ZBTB20: variants seen among roughly 807,000 people sequenced by gnomAD.
The protein encoded by ZBTB20 is zinc finger and BTB domain containing 20.
A neutral mutation model predicts 56.9 loss-of-function variants in ZBTB20; 9 were observed. The observed-to-expected ratio is 0.16, with a 90% CI of 0.10 to 0.28. ZBTB20 has a LOEUF of 0.28. ZBTB20 is among the 10% of genes least tolerant of loss of function. The pLI is 1.00. For missense variants in ZBTB20, 655 were observed against 1,003.0 expected (o/e 0.65, Z 4.69); for synonymous variants, 417 against 420.7 (o/e 0.99, Z 0.11).
At position 114,916,222 on chromosome 3, in the gene ZBTB20, C is replaced by T. The variant is rs576321722; in HGVS notation, c.-455-15880G>A. ...CTCTGATAATATTTGCTTTATATAT[C>T]TGGGTGCTCCAGTGTTGGGTGTATA... On this transcript the variant is annotated intron_variant, in intron 3 of 11. Coordinates refer to ENST00000675478, the MANE Select transcript of ZBTB20 (RefSeq NM_001348800.3). 1.2e-4 allele frequency among the ~76,000 whole-genome samples: 19 copies of T among 152,176 alleles called. No individual in the cohort carries two copies. The East Asian group carries it at 2.5e-3, about 20-fold the overall frequency.
rs1012466037 is a variant in ZBTB20, at chr3:114,328,565, A to T, written c.*10440T>A. ...GCCAAACGTGAAGGTAAGGGGAATTAATGACCTCAGCTAGTACAGTTGACA... is the reference window on the plus strand; with the variant it reads ...GCCAAACGTGAAGGTAAGGGGAATTTATGACCTCAGCTAGTACAGTTGACA... On this transcript the variant is annotated 3_prime_UTR_variant, in exon 12 of 12. Transcript: ENST00000675478. The T allele has an allele frequency of 6.6e-6, 1 of 152,162 alleles. No individual in the cohort carries two copies. The highest frequency in any genetic ancestry group is 2.1e-4 in the South Asian group (1 of 4,822). The allele number at this position is 152,162 out of a possible 1,614,324, so 9.4% of individuals were successfully genotyped here. A position where few individuals can be genotyped will look rare whatever the true frequency, so the allele number is the denominator to read the frequency against.
At chr3:114,461,214 A>C in intron 7 of ZBTB20, among the ~76,000 whole-genome samples, 1 of 150,544 alleles carries the variant, frequency 6.6e-6, no homozygotes. Context: ...CCCACCCCAC[A>C]TTTTTTTCTG....
intron 1 of ZBTB20, among the ~76,000 whole-genome samples, chr3:115,107,794 T>C (rs940203121): frequency 1.3e-5 from 2 of 152,216 alleles, no homozygotes; most frequent in Non-Finnish European, 2.9e-5. Flanking sequence ...ATATACACCA[T>C]GGAATACTAT....
intron 6 of ZBTB20, among the ~76,000 whole-genome samples, chr3:114,581,788 T>G (rs1046332724): frequency 6.6e-6 from 1 of 152,076 alleles, no homozygotes. Flanking sequence ...GTGAAGCATG[T>G]GGAGAAGCTC....
intron 2 of ZBTB20, among the ~76,000 whole-genome samples, chr3:115,057,143 TATTGCAACTGTCATTGCAATTATTG>T (rs1221692193): frequency 6.6e-6 from 1 of 152,168 alleles, no homozygotes; most frequent in African/African-American, 2.4e-5. Context: ...GATGAGCTGC[TATTGCAACTGTCATTGCAATTATTG>T]ATTGCAATTT....
At chr3:115,122,658 T>G (rs993205285) in intron 1 of ZBTB20, among the ~76,000 whole-genome samples, 3 of 152,120 alleles carry the variant, frequency 2.0e-5, no homozygotes, top group African/African-American at 7.2e-5. Context: ...ATTGAACATT[T>G]GTCTATGAAG....
intron 2 of ZBTB20, among the ~76,000 whole-genome samples, chr3:115,020,849 A>G (rs1026832266): frequency 2.6e-5 from 4 of 151,078 alleles, no homozygotes; most frequent in Non-Finnish European, 5.9e-5. Flanking sequence ...TACATTGAAT[A>G]GCTTTATTAT....
intron 7 of ZBTB20, among the ~76,000 whole-genome samples, chr3:114,494,158 C>A (rs2043033674): frequency 6.6e-6 from 1 of 152,174 alleles, no homozygotes; most frequent in Admixed American, 6.5e-5. Flanking sequence ...GGCAAGCACT[C>A]AATAGGTATT....
chr3:114,335,697 A>G lies in ZBTB20; in HGVS notation c.*3308T>C, dbSNP rs2079429323. ...TGACATATTTGGGAAGGATAAATGTACAGTAGGAATATGTCTACTGCTATG... is the reference window on the plus strand; with the variant it reads ...TGACATATTTGGGAAGGATAAATGTGCAGTAGGAATATGTCTACTGCTATG... On this transcript the variant is annotated 3_prime_UTR_variant, in exon 12 of 12. Coordinates refer to ENST00000675478, the MANE Select transcript of ZBTB20 (RefSeq NM_001348800.3). The G allele has an allele frequency of 6.6e-6, 1 of 152,210 alleles. No homozygotes were observed. The highest frequency in any genetic ancestry group is 6.5e-5 in the Admixed American group (1 of 15,282). The allele number at this position is 152,210 out of a possible 1,614,324, so 9.4% of individuals were successfully genotyped here.
At chr3:114,885,529 A>G (rs2076571191) in intron 4 of ZBTB20, among the ~76,000 whole-genome samples, 1 of 151,638 alleles carries the variant, frequency 6.6e-6, no homozygotes, top group Non-Finnish European at 1.5e-5. Context: ...AGAGTAATCA[A>G]CACCAGAAAG....
intron 6 of ZBTB20, among the ~76,000 whole-genome samples, chr3:114,501,227 G>C (rs535624899): frequency 6.6e-6 from 1 of 152,224 alleles, no homozygotes; most frequent in East Asian, 1.9e-4. Context: ...AACTCTGTTT[G>C]GTGATGAAAA....
intron 7 of ZBTB20, among the ~76,000 whole-genome samples, chr3:114,481,399 C>T (rs986033276): frequency 1.3e-5 from 2 of 152,094 alleles, no homozygotes; most frequent in Non-Finnish European, 1.5e-5. Flanking sequence ...CTGAGAGATC[C>T]GTTATGTTTC....
chr3:114,730,564 C>A (rs917214005), intron 5 of ZBTB20, among the ~76,000 whole-genome samples: 1 of 152,164 alleles, frequency 6.6e-6, no homozygotes, highest in Non-Finnish European at 1.5e-5. Context: ...CTAGGACTGG[C>A]GTCCTTATAA....
chr3:114,469,646 T>C (rs1174959813), intron 7 of ZBTB20, among the ~76,000 whole-genome samples: 1 of 152,228 alleles, frequency 6.6e-6, no homozygotes, highest in Non-Finnish European at 1.5e-5. Context: ...AATGTTTCCC[T>C]GGGCTGAGTT....
chr3:114,983,097 T>C (rs189588221), intron 2 of ZBTB20, among the ~76,000 whole-genome samples: 2 of 152,150 alleles, frequency 1.3e-5, no homozygotes, highest in Admixed American at 6.6e-5. Flanking sequence ...TTCCATTATA[T>C]ATCCTAATTC....
At chr3:115,001,878 G>C (rs1215069433) in intron 2 of ZBTB20, among the ~76,000 whole-genome samples, 2 of 151,254 alleles carry the variant, frequency 1.3e-5, no homozygotes, top group Non-Finnish European at 3.0e-5. Context: ...AAGTTATTTT[G>C]TGGATATTCA....
rs533337194 is a variant in ZBTB20, at chr3:114,794,949, C to T, written c.-343+6152G>A. The stretch of plus-strand genomic sequence containing the variant: ...ATTAAGGTTTAACAGATAAAAAATA[C>T]ATTCTAGGAACAAAACACATTTTTG... On this transcript the variant is annotated intron_variant, in intron 5 of 11. Transcript: ENST00000675478. Among the ~76,000 whole-genome samples, 6 of 152,120 alleles carry T rather than the reference C, an allele frequency of 3.9e-5. No individual in the cohort carries two copies. In the South Asian group the frequency reaches 6.2e-4, roughly 16 times the overall value.
intron 6 of ZBTB20, among the ~76,000 whole-genome samples, chr3:114,524,294 T>C (rs1364988134): frequency 1.3e-5 from 2 of 152,162 alleles, no homozygotes; most frequent in African/African-American, 2.4e-5. Context: ...TTGTGGAATA[T>C]TGTAATTATT....
rs561110006 is a variant in ZBTB20, at chr3:114,725,597, C to T, written c.-342-32022G>A. On this transcript the variant is annotated intron_variant, in intron 5 of 11. Transcript: ENST00000675478. ...CTAAAATGAATATACTCAACTTACA[C>T]ATGGAGACTGTTCTGGATCTAAGGA... Among the ~76,000 whole-genome samples, 4 of 152,318 alleles carry T rather than the reference C, an allele frequency of 2.6e-5. No homozygotes were observed. The South Asian group carries it at 8.3e-4, about 32-fold the overall frequency.
Sources: gnomAD v4.1 joint callset for allele counts (sites outside exome capture counted in the v4.1 genomes callset) on GRCh38, gnomAD v4.1.1 for gene constraint, MANE v1.5 for transcripts, NCBI Gene and HGNC (gene_info 2026-07-23, HGNC 2026-07-21) for gene names.